Variants in BAALC observed in about 807,000 individuals in gnomAD.
BAALC encodes the protein BAALC binder of MAP3K1 and KLF4, also known as brain and acute leukemia cytoplasmic protein.
Under a neutral mutation model 15.5 loss-of-function variants are expected in BAALC, and 9 were observed. The ratio of observed to expected loss-of-function variants is 0.58; its 90% CI spans 0.35 to 1.02. The LOEUF (loss-of-function observed/expected upper bound fraction) is 1.02, where lower values mean the gene tolerates loss of function less well. Among genes scored for constraint, BAALC ranks in the 50% least tolerant of loss-of-function variants. The probability of loss-of-function intolerance (pLI) is 0.02; values close to 1 mark genes in which losing one functional copy is unlikely to be tolerated. For synonymous variants in BAALC, 80 were observed against 74.6 expected, an observed-to-expected ratio of 1.07 and a Z score of -0.37; for missense variants, 201 against 192.4, an observed-to-expected ratio of 1.04 and a Z score of -0.27.
At chr8:103,183,276 A>G (rs1811765951) in intron 1 of BAALC, 2 of 692,632 alleles carry the variant, frequency 2.9e-6, no homozygotes, top group Non-Finnish European at 5.3e-6. Flanking sequence ...CCCAAAGATG[A>G]TGGGAAGTGG....
intron 1 of BAALC, chr8:103,141,468 TG>T (rs2129840953): frequency 5.7e-6 from 1 of 175,244 alleles, no homozygotes; most frequent in Admixed American, 6.3e-5. Context: ...CCCAGCCGGG[TG>T]ACTTCTCATC....
intron 1 of BAALC, chr8:103,183,485 TG>T: frequency 1.4e-6 from 1 of 702,514 alleles, no homozygotes. Flanking sequence ...AGAGAGGGTA[TG>T]GGGGGACCAG....
chr8:103,187,281 C>A (rs1811861636), intron 1 of BAALC, among the ~76,000 whole-genome samples: 1 of 152,168 alleles, frequency 6.6e-6, no homozygotes, highest in Non-Finnish European at 1.5e-5. Flanking sequence ...TGGTTCTCAA[C>A]TGGTGGCTTC....
At chr8:103,216,427 T>A (rs540906086) in intron 2 of BAALC, among the ~76,000 whole-genome samples, 1 of 152,222 alleles carries the variant, frequency 6.6e-6, no homozygotes, top group Non-Finnish European at 1.5e-5. Context: ...AATCAGTAAG[T>A]TGTGCTTAGT....
chr8:103,158,685 AATAC>A (rs76527054), intron 1 of BAALC, among the ~76,000 whole-genome samples: 13 of 150,750 alleles, frequency 8.6e-5, no homozygotes, highest in East Asian at 2.0e-4. Context: ...CAATACATAC[AATAC>A]ATACATACAT....
intron 1 of BAALC, among the ~76,000 whole-genome samples, chr8:103,157,505 G>A (rs930325061): frequency 6.6e-6 from 1 of 152,036 alleles, no homozygotes; most frequent in African/African-American, 2.4e-5. Flanking sequence ...AAGAAATTAG[G>A]ACTCTTTTAA....
chr8:103,229,887 C>G lies in BAALC; in HGVS notation c.*1788C>G, dbSNP rs1177117099. 3 of 151,930 alleles carry G rather than the reference C, an allele frequency of 2.0e-5. No homozygotes were observed. In the East Asian group the frequency reaches 5.8e-4, roughly 29 times the overall value. The allele number at this position is 151,930 out of a possible 1,614,324, so 9.4% of individuals were successfully genotyped here. ...AAGAAAAACCTGTGATTCATATGTCCCCACTGGCATTACTCAGCAGGAGCC... is the reference window on the plus strand; with the variant it reads ...AAGAAAAACCTGTGATTCATATGTCGCCACTGGCATTACTCAGCAGGAGCC... On this transcript the variant is annotated 3_prime_UTR_variant, in exon 3 of 3. Coordinates refer to ENST00000309982, the MANE Select transcript of BAALC (RefSeq NM_024812.3).
At chr8:103,175,121 A>G (rs1281520549) in intron 1 of BAALC, among the ~76,000 whole-genome samples, 1 of 152,138 alleles carries the variant, frequency 6.6e-6, no homozygotes, top group African/African-American at 2.4e-5. Context: ...AACAGTTGAA[A>G]GCCCAGAGAA....
intron 1 of BAALC, among the ~76,000 whole-genome samples, chr8:103,155,161 T>C (rs1186092704): frequency 6.6e-6 from 1 of 152,172 alleles, no homozygotes; most frequent in Non-Finnish European, 1.5e-5. Flanking sequence ...GATTGGACCA[T>C]ATCTATTAGA....
At chr8:103,217,437 T>A (rs1421664168) in intron 2 of BAALC, among the ~76,000 whole-genome samples, 2 of 148,024 alleles carry the variant, frequency 1.4e-5, no homozygotes, top group African/African-American at 5.0e-5. Flanking sequence ...CTTTTCTTCC[T>A]ATTCCCTCCT....
intron 1 of BAALC, among the ~76,000 whole-genome samples, chr8:103,147,874 G>T (rs1162933724): frequency 6.6e-6 from 1 of 152,148 alleles, no homozygotes; most frequent in Non-Finnish European, 1.5e-5. Context: ...GACTCGAGGG[G>T]TTTACCCTGA....
At chr8:103,161,278 A>G (rs1336820984) in intron 1 of BAALC, among the ~76,000 whole-genome samples, 1 of 141,902 alleles carries the variant, frequency 7.0e-6, no homozygotes, top group Non-Finnish European at 1.6e-5. Flanking sequence ...TTTTTGGTTT[A>G]TCTTTTTTTT....
intron 2 of BAALC, among the ~76,000 whole-genome samples, chr8:103,223,322 A>G (rs992034554): frequency 6.6e-6 from 1 of 152,142 alleles, no homozygotes; most frequent in Non-Finnish European, 1.5e-5. Flanking sequence ...AACAAAACAA[A>G]CAAACAAAAC....
At chr8:103,217,018 C>T (rs1381489495) in intron 2 of BAALC, among the ~76,000 whole-genome samples, 1 of 152,132 alleles carries the variant, frequency 6.6e-6, no homozygotes, top group African/African-American at 2.4e-5. Flanking sequence ...AGTCAGCCCC[C>T]GTAGGGCTTC....
chr8:103,171,502 T>A (rs1054976591), intron 1 of BAALC, among the ~76,000 whole-genome samples: 16 of 152,180 alleles, frequency 1.1e-4, no homozygotes, highest in African/African-American at 3.4e-4. Context: ...TATATCTTCA[T>A]TCATTTTGAC....
intron 1 of BAALC, among the ~76,000 whole-genome samples, chr8:103,192,653 A>T (rs1014302997): frequency 6.6e-6 from 1 of 152,206 alleles, no homozygotes; most frequent in Non-Finnish European, 1.5e-5. Flanking sequence ...TGGGAAGATA[A>T]TACATTTAGA....
At chr8:103,145,897 A>T (rs565867168) in intron 1 of BAALC, among the ~76,000 whole-genome samples, 1 of 152,212 alleles carries the variant, frequency 6.6e-6, no homozygotes, top group African/African-American at 2.4e-5. Flanking sequence ...GTTAAATTTC[A>T]TCTTATTGGT....
chr8:103,159,129 G>T (rs1368048438), intron 1 of BAALC, among the ~76,000 whole-genome samples: 2 of 152,120 alleles, frequency 1.3e-5, no homozygotes, highest in Non-Finnish European at 2.9e-5. Context: ...CGGAATTCTG[G>T]TTTGCTTTTT....
intron 1 of BAALC, chr8:103,141,534 G>A (rs1810777841): frequency 6.4e-6 from 1 of 155,710 alleles, no homozygotes; most frequent in African/African-American, 2.4e-5. Flanking sequence ...GCGCCTGCCT[G>A]GGATCGCCTG....
Sources: gnomAD v4.1 joint callset for allele counts (sites outside exome capture counted in the v4.1 genomes callset) on GRCh38, gnomAD v4.1.1 for gene constraint, MANE v1.5 for transcripts, NCBI Gene and HGNC (gene_info 2026-07-23, HGNC 2026-07-21) for gene names.